Variants in LAMA2 observed in about 807,000 individuals in gnomAD.
LAMA2 encodes the protein laminin subunit alpha-2.
A neutral mutation model predicts 364.8 loss-of-function variants in LAMA2; 269 were observed. The ratio of observed to expected loss-of-function variants is 0.74; its 90% CI spans 0.67 to 0.82. The LOEUF (loss-of-function observed/expected upper bound fraction) is 0.82, where lower values mean the gene tolerates loss of function less well. LAMA2 is among the 40% of genes least tolerant of loss of function. The probability of loss-of-function intolerance (pLI) is 0.00; values close to 1 mark genes in which losing one functional copy is unlikely to be tolerated. For synonymous variants in LAMA2, 1,379 were observed against 1,370.6 expected, an observed-to-expected ratio of 1.01 and a Z score of -0.14; for missense variants, 3,807 against 3,873.2, an observed-to-expected ratio of 0.98 and a Z score of 0.45.
intron 1 of LAMA2, among the ~76,000 whole-genome samples, chr6:128,945,488 A>G (rs141850405): frequency 1.2e-4 from 18 of 152,358 alleles, no homozygotes; most frequent in Admixed American, 4.6e-4. Flanking sequence ...CCAGGTACCA[A>G]TAACTAGGGA....
Position 129,454,162 on chromosome 6 carries a change from T to G in LAMA2, c.6581T>G (p.Phe2194Cys), listed in dbSNP as rs1402145794. 1.2e-6 allele frequency: 2 copies of G among 1,612,590 alleles called. No individual in the cohort carries two copies. The highest frequency in any genetic ancestry group is 1.7e-6 in the Non-Finnish European group (2 of 1,178,814). ...FYLGSAKFID[F>C]LAIEMRKGKV... ...TGTATTTCTCTGAACTAGATTGACT[T>G]TCTGGCTATAGAAATGCGTAAAGGC... The change falls in exon 47 of 65, where the codon TTT (phenylalanine) becomes TGT (cysteine). Residue 2194 changes from phenylalanine (F) to cysteine (C), a missense_variant. Physicochemically the swap from Phe to Cys is radical, Grantham distance 205. Around this residue, in one of 3 missense-constraint regions of LAMA2, gnomAD observed 3,333 missense variants for 3,345.7 expected, o/e 1.00. Transcript: ENST00000421865.
intron 58 of LAMA2, among the ~76,000 whole-genome samples, chr6:129,502,386 A>T (rs1191977017): frequency 6.6e-6 from 1 of 152,234 alleles, no homozygotes; most frequent in East Asian, 1.9e-4. Flanking sequence ...AAATATACAT[A>T]AATTTTTAGA....
intron 4 of LAMA2, among the ~76,000 whole-genome samples, chr6:129,124,597 T>C (rs2114924875): frequency 6.6e-6 from 1 of 152,308 alleles, no homozygotes; most frequent in East Asian, 1.9e-4. Context: ...CCCTTTTCCC[T>C]CTTTTAGAAG....
At chr6:129,430,786 T>C (rs1467856342) in intron 41 of LAMA2, among the ~76,000 whole-genome samples, 1 of 152,100 alleles carries the variant, frequency 6.6e-6, no homozygotes, top group East Asian at 1.9e-4. Flanking sequence ...GAGGTTGCAG[T>C]GAGCCAAGAT....
intron 16 of LAMA2, 131 bp downstream of exon 16, chr6:129,267,350 T>C: frequency 1.4e-6 from 1 of 737,194 alleles, no homozygotes; most frequent in South Asian, 1.4e-5. Flanking sequence ...GATCTTTGTA[T>C]TGAACTGAAT....
chr6:129,083,340 TA>T (rs1296005603), intron 3 of LAMA2, among the ~76,000 whole-genome samples: 4 of 152,160 alleles, frequency 2.6e-5, no homozygotes, highest in African/African-American at 9.7e-5. Flanking sequence ...CAGGGTAACA[TA>T]AGCGAGACAG....
intron 42 of LAMA2, among the ~76,000 whole-genome samples, 153 bp downstream of exon 42, chr6:129,438,915 T>G (rs985983035): frequency 6.6e-6 from 1 of 152,074 alleles, no homozygotes; most frequent in Non-Finnish European, 1.5e-5. Flanking sequence ...TTTGTGAGAA[T>G]GAGAAACTAA....
At chr6:129,323,621 TA>T (rs1383082470) in intron 28 of LAMA2, among the ~76,000 whole-genome samples, 1 of 152,252 alleles carries the variant, frequency 6.6e-6, no homozygotes, top group East Asian at 1.9e-4. Flanking sequence ...TGTTATACTT[TA>T]TTTAACCTGT....
chr6:129,190,270 T>C lies in LAMA2; in HGVS notation c.1533T>C (p.Asn511=), dbSNP rs9492266. 3.6e-3 allele frequency: 5,768 copies of C among 1,613,668 alleles called. 196 individuals carry two copies. In the African/African-American group the frequency reaches 0.067, roughly 19 times the overall value. Reference sequence around the variant, plus strand: ...GCTTCTTCAATTTGCAAGAGGATAATTGGAAAGGCTGCGATGAGTGTTTCT... The same window carrying C: ...GCTTCTTCAATTTGCAAGAGGATAACTGGAAAGGCTGCGATGAGTGTTTCT... ...KSGFFNLQED[N]WKGCDECFCS... Residue 511 remains asparagine (N), a synonymous_variant, in exon 11 of 65, where the codon AAT becomes AAC. Coordinates refer to ENST00000421865, the MANE Select transcript of LAMA2 (RefSeq NM_000426.4).
chr6:128,898,590 G>T (rs907512930), intron 1 of LAMA2, among the ~76,000 whole-genome samples: 2 of 151,732 alleles, frequency 1.3e-5, no homozygotes, highest in African/African-American at 4.8e-5. Flanking sequence ...CTCTTTTTTT[G>T]CCTATGCAAC....
intron 3 of LAMA2, among the ~76,000 whole-genome samples, chr6:129,078,828 A>G (rs1773833930): frequency 6.6e-6 from 1 of 152,072 alleles, no homozygotes; most frequent in Non-Finnish European, 1.5e-5. Context: ...GGCAAACACT[A>G]TTCTACCTTC....
intron 12 of LAMA2, among the ~76,000 whole-genome samples, chr6:129,215,407 A>G (rs1234868171): frequency 6.6e-6 from 1 of 152,080 alleles, no homozygotes. Context: ...ACTCCCCCAT[A>G]TCTAAGGAGG....
rs185009221 is a variant in LAMA2 at position 129,427,831 on chromosome 6, A to G, written c.5945A>G (p.Lys1982Arg). 1.2e-6 allele frequency: 2 copies of G among 1,612,936 alleles called. No homozygotes were observed. The highest frequency in any genetic ancestry group is 2.2e-5 in the East Asian group (1 of 44,866). The change falls in exon 41 of 65, where the codon AAG becomes AGG. Residue 1982 changes from lysine (K) to arginine (R), a missense_variant. Lys to Arg is a conservative substitution (Grantham distance 26, BLOSUM62 2). Transcript: ENST00000421865. ...QKSFRILNEA[K>R]KLANDVKENE... ...AGCTTCAGGATTCTTAACGAAGCCA[A>G]GAAGTTAGCAAATGATGTAAAAGGT...
At chr6:128,883,386 AT>A (rs768687559) in intron 1 of LAMA2, 29 bp downstream of exon 1, 22 of 1,563,632 alleles carry the variant, frequency 1.4e-5, no homozygotes, top group Non-Finnish European at 1.8e-5. Context: ...CTTGGGTTGC[AT>A]CCTTTGCCGG....
chr6:128,957,346 G>A (rs1048959033), intron 1 of LAMA2, among the ~76,000 whole-genome samples: 4 of 152,082 alleles, frequency 2.6e-5, no homozygotes, highest in African/African-American at 9.7e-5. Context: ...TAGACTGTAA[G>A]GGATTATTTC....
At chr6:128,962,185 T>TAC (rs1554335791) in intron 1 of LAMA2, among the ~76,000 whole-genome samples, 1,331 of 103,902 alleles carry the variant, frequency 0.013, 95 homozygotes, top group Non-Finnish European at 0.018. Context: ...TATATATATA[T>TAC]ACACACATAC....
At chr6:129,174,371 ATTTAT>A (rs1360735997) in intron 9 of LAMA2, among the ~76,000 whole-genome samples, 1 of 151,954 alleles carries the variant, frequency 6.6e-6, no homozygotes, top group Non-Finnish European at 1.5e-5. Flanking sequence ...TATTAAATAT[ATTTAT>A]TTTATTTTCG....
At chr6:128,932,367 T>C (rs957645675) in intron 1 of LAMA2, among the ~76,000 whole-genome samples, 4 of 152,210 alleles carry the variant, frequency 2.6e-5, no homozygotes, top group African/African-American at 9.6e-5. Context: ...ACTCAACAAG[T>C]GTTTACTGAA....
At chr6:128,991,278 A>G (rs1490667105) in intron 1 of LAMA2, among the ~76,000 whole-genome samples, 1 of 152,072 alleles carries the variant, frequency 6.6e-6, no homozygotes, top group Admixed American at 6.6e-5. Context: ...ACAAATAGCA[A>G]TTTATATCAA....
Sources: gnomAD v4.1 joint callset for allele counts (sites outside exome capture counted in the v4.1 genomes callset) on GRCh38, gnomAD v4.1.1 for gene constraint, gnomAD v4.1.1 regional missense constraint, MANE v1.5 for transcripts, NCBI Gene and HGNC (gene_info 2026-07-23, HGNC 2026-07-21) for gene names.